Variants in NDRG2 observed in about 807,000 individuals in gnomAD.
The protein encoded by NDRG2 is protein NDRG2.
Under a neutral mutation model 58.2 loss-of-function variants are expected in NDRG2, and 34 were observed. That is an observed-to-expected ratio of 0.58 (90% CI 0.44 to 0.78). The LOEUF (loss-of-function observed/expected upper bound fraction) is 0.78, where lower values mean the gene tolerates loss of function less well. Among genes scored for constraint, NDRG2 ranks in the 30% least tolerant of loss-of-function variants. NDRG2 has a pLI of 0.00. For synonymous variants in NDRG2, 187 were observed against 175.9 expected (o/e 1.06, Z -0.50); for missense variants, 434 against 471.2 (o/e 0.92, Z 0.73).
intron 8 of NDRG2, 90 bp from the exon 9 acceptor site, chr14:21,020,066 CG>C (rs1295118269): frequency 4.1e-6 from 5 of 1,206,886 alleles, no homozygotes; most frequent in Non-Finnish European, 3.6e-6. Context: ...GAGGCCGAGG[CG>C]GGTGGATCAC....
chr14:21,036,064 A>G (rs528905714), intron 1 of NDRG2: 10 of 391,096 alleles, frequency 2.6e-5, no homozygotes, highest in African/African-American at 1.0e-4. Flanking sequence ...ATGTATATCA[A>G]GAGTTTTTAG....
At chr14:21,022,975 G>T in intron 2 of NDRG2, 70 bp from the exon 3 acceptor site, 1 of 1,558,694 alleles carries the variant, frequency 6.4e-7, no homozygotes, top group Non-Finnish European at 8.8e-7. Context: ...GAGACAAACA[G>T]ACAAAGAGAG....
intron 1 of NDRG2, chr14:21,036,344 C>T (rs1884627866): frequency 4.6e-6 from 2 of 438,440 alleles, no homozygotes; most frequent in Non-Finnish European, 4.6e-6. Flanking sequence ...GTAGGGGTGC[C>T]CAGTCTTTTG....
At chr14:21,036,328 C>G in intron 1 of NDRG2, 1 of 453,408 alleles carries the variant, frequency 2.2e-6, no homozygotes, top group Non-Finnish European at 4.4e-6. Context: ...GCTTGTTTCT[C>G]ATAGGGTAGG....
intron 1 of NDRG2, among the ~76,000 whole-genome samples, chr14:21,049,222 G>A (rs185817454): frequency 1.9e-4 from 29 of 152,234 alleles, no homozygotes; most frequent in African/African-American, 6.5e-4. Context: ...TAGTCCTTAG[G>A]AAGGCTTACT....
At chr14:21,068,651 G>T (rs1886421993) in intron 1 of NDRG2, among the ~76,000 whole-genome samples, 1 of 152,182 alleles carries the variant, frequency 6.6e-6, no homozygotes, top group Non-Finnish European at 1.5e-5. Flanking sequence ...TAGCTCGCGG[G>T]CCCTCGTAAT....
chr14:21,023,257 G>A lies in NDRG2; in HGVS notation c.59C>T (p.Thr20Met), dbSNP rs779725845. 56 of 1,613,854 alleles carry A rather than the reference G, an allele frequency of 3.5e-5. 2 individuals carry two copies. Among genetic ancestry groups the A allele is most frequent in the African/African-American group, 9.3e-5 (7 of 74,928 alleles). ...TCTAATAACCTTGGCCGCCTCAGGC[G>A]TCTGTCCTGGCAACAGTGGCTTCTC... Reference protein sequence around the residue: ...TEEKPLLPGQTPEAAKEAELA... With the variant: ...TEEKPLLPGQMPEAAKEAELA... The change falls in exon 2 of 16, where the codon ACG becomes ATG. Residue 20 changes from threonine (T) to methionine (M), a missense_variant. Thr to Met is a moderately conservative substitution (Grantham distance 81). Coordinates refer to ENST00000556147, the MANE Select transcript of NDRG2 (RefSeq NM_001320329.2).
In NDRG2 at chr14:21,045,110, G is replaced by A. The variant is rs191955054; in HGVS notation, c.25-21789C>T. 4.5e-3 allele frequency among the ~76,000 whole-genome samples: 683 copies of A among 152,290 alleles called. 3 individuals are homozygous for A. The highest frequency in any genetic ancestry group is 3.4e-3 in the Non-Finnish European group (228 of 68,024). ...CTAGTAGTAGCAATATCCATCTTTG[G>A]AAAACACGCAGACCAAGGCAAATAC... On this transcript the variant is annotated intron_variant, in intron 1 of 14. Coordinates refer to the NDRG2 transcript ENST00000403829.
At chr14:21,045,173 A>G (rs910974426) in intron 1 of NDRG2, among the ~76,000 whole-genome samples, 3 of 152,154 alleles carry the variant, frequency 2.0e-5, no homozygotes, top group Non-Finnish European at 2.9e-5. Context: ...CTTCTGCCAG[A>G]GTGATGATCA....
At chr14:21,030,715 T>G, upstream of NDRG2, 1 of 1,614,144 alleles carries the variant, frequency 6.2e-7, no homozygotes, top group Non-Finnish European at 8.5e-7. Flanking sequence ...GGCAAGACAG[T>G]CACCTCCACG....
chr14:21,036,370 A>T, intron 1 of NDRG2: 1 of 412,240 alleles, frequency 2.4e-6, no homozygotes, highest in Non-Finnish European at 4.8e-6. Context: ...CCTGGGCCAC[A>T]TTGGAAGAAG....
chr14:21,043,137 C>G, intron 1 of NDRG2: 1 of 1,614,154 alleles, frequency 6.2e-7, no homozygotes, highest in Non-Finnish European at 8.5e-7. Context: ...GCCCAGCCCT[C>G]AAGCATGCAA....
chr14:21,023,548 A>C, intron 1 of NDRG2: 1 of 538,656 alleles, frequency 1.9e-6, no homozygotes, highest in Non-Finnish European at 3.3e-6. Context: ...CTTGATACTC[A>C]CCATCCCCAC....
Position 21,030,975 on chromosome 14 carries a change from T to C in NDRG2, c.25-7654A>G, listed in dbSNP as rs372513527. ...TGGACCTTGGAAGGTAATGCATTCA[T>C]GCTCCAAAGTTTCTGGATTTCTGTC... On this transcript the variant is annotated intron_variant, in intron 1 of 14. Coordinates refer to the NDRG2 transcript ENST00000403829. 16 of 1,577,444 alleles carry C rather than the reference T, an allele frequency of 1.0e-5. No individual in the cohort carries two copies. In the African/African-American group the frequency reaches 2.0e-4, roughly 20 times the overall value.
chr14:21,035,209 G>A (rs1399788578), intron 1 of NDRG2, among the ~76,000 whole-genome samples: 1 of 152,176 alleles, frequency 6.6e-6, no homozygotes, highest in Admixed American at 6.5e-5. Context: ...CACACCCACA[G>A]CCTTCACCTG....
intron 11 of NDRG2, 24 bp from the exon 12 acceptor site, chr14:21,018,838 A>G: frequency 6.2e-7 from 1 of 1,614,032 alleles, no homozygotes; most frequent in Non-Finnish European, 8.5e-7. Flanking sequence ...GTTGGGGAGA[A>G]GGCAGTGAGC....
chr14:21,034,100 C>T (rs1884447688), intron 1 of NDRG2: 1 of 1,614,056 alleles, frequency 6.2e-7, no homozygotes, highest in Non-Finnish European at 8.5e-7. Context: ...CTGAATTTTG[C>T]ATCTTGCCTC....
rs571760760 is a variant in NDRG2 at position 21,017,511 on chromosome 14, G to T, written c.*85C>A. ...GATCTGCCCTTTTTCCCTTGCTTAC[G>T]GTGGCCCAATGCCCCTTCAGCACCT... On this transcript the variant is annotated 3_prime_UTR_variant, in exon 16 of 16. Transcript: ENST00000556147. 1.7e-4 allele frequency: 244 copies of T among 1,439,528 alleles called. 1 individual carries two copies. The South Asian group carries it at 3.1e-3, about 18-fold the overall frequency. The allele number at this position is 1,439,528 out of a possible 1,614,324, so 89.2% of individuals were successfully genotyped here.
intron 1 of NDRG2, chr14:21,034,361 G>T: frequency 9.2e-7 from 1 of 1,086,536 alleles, no homozygotes; most frequent in African/African-American, 1.6e-5. Flanking sequence ...ACATCCCAGA[G>T]CCTCCAGCAT....
Sources: allele counts gnomAD v4.1 joint callset (sites outside exome capture counted in the v4.1 genomes callset), GRCh38; gene constraint gnomAD v4.1.1; transcripts MANE v1.5; gene names NCBI Gene and HGNC (gene_info 2026-07-23, HGNC 2026-07-21).